Variants in POGLUT3 observed in about 807,000 individuals in gnomAD.
POGLUT3 encodes the protein protein O-glucosyltransferase 3.
A neutral mutation model predicts 54.3 loss-of-function variants in POGLUT3; 48 were observed. The ratio of observed to expected loss-of-function variants is 0.88; its 90% CI spans 0.70 to 1.12. The LOEUF is 1.12. Among genes scored for constraint, POGLUT3 ranks in the 50% most tolerant of loss-of-function variants. POGLUT3 has a pLI of 0.00. For synonymous variants in POGLUT3, 218 were observed against 237.4 expected, an observed-to-expected ratio of 0.92 and a Z score of 0.75; for missense variants, 629 against 618.7, an observed-to-expected ratio of 1.02 and a Z score of -0.18.
At chr11:108,476,621 A>C (rs2093582322) in intron 7 of POGLUT3, among the ~76,000 whole-genome samples, 1 of 152,232 alleles carries the variant, frequency 6.6e-6, no homozygotes, top group Admixed American at 6.5e-5. Context: ...CTATGCCTAC[A>C]GAAAAATAAA....
chr11:108,488,462 G>A (rs575514355), intron 2 of POGLUT3, among the ~76,000 whole-genome samples: 1 of 152,288 alleles, frequency 6.6e-6, no homozygotes, highest in Admixed American at 6.5e-5. Flanking sequence ...GTACAGGGAG[G>A]GGGACTGTAG....
Position 108,474,805 on chromosome 11 carries a change from A to G in POGLUT3, c.*22T>C. 6.2e-7 allele frequency: 1 copy of G among 1,613,570 alleles called. No individual in the cohort carries two copies. On this transcript the variant is annotated 3_prime_UTR_variant, in exon 8 of 8. Transcript: ENST00000323468. ...TCCTTAAAGTGTAGCCGGGATACAC[A>G]GGAGTGTGATTCTGGGCTGACTCAA... is the stretch of plus-strand genomic sequence containing the variant.
intron 1 of POGLUT3, among the ~76,000 whole-genome samples, chr11:108,495,346 A>AT (rs1378152088): frequency 6.6e-6 from 1 of 152,006 alleles, no homozygotes; most frequent in Non-Finnish European, 1.5e-5. Context: ...GATATTTTGG[A>AT]TTTTTTTGGT....
Position 108,474,934 on chromosome 11 carries a change from A to G in POGLUT3, c.1417T>C (p.Ser473Pro), listed in dbSNP as rs1361971157. ...CCATCACGTACTTCGGGTTTGCTGG[A>G]CTGGCGCTCGGCATATTTCTGAAAC... is the stretch of plus-strand genomic sequence containing the variant. ...QVLQKYAERQSSKPEVRDGME... is the reference protein window; with the variant it reads ...QVLQKYAERQPSKPEVRDGME... Residue 473 changes from serine (S) to proline (P), a missense_variant, in exon 8 of 8, where the codon TCC becomes CCC. Physicochemically the swap from Ser to Pro is moderately conservative, Grantham distance 74 (BLOSUM62 -1). Transcript: ENST00000323468. The G allele has an allele frequency of 6.2e-7, 1 of 1,613,928 alleles. No homozygotes were observed. The highest frequency in any genetic ancestry group is 8.5e-7 in the Non-Finnish European group (1 of 1,179,996).
At chr11:108,486,128 C>A in intron 3 of POGLUT3, 29 bp downstream of exon 3, 1 of 1,485,368 alleles carries the variant, frequency 6.7e-7, no homozygotes, top group South Asian at 1.2e-5. Context: ...AATAATTAAA[C>A]TGTATTATCA....
chr11:108,473,883 T>G lies in POGLUT3; in HGVS notation c.*944A>C, dbSNP rs1391386141. 3 of 152,186 alleles carry G rather than the reference T, an allele frequency of 2.0e-5. No homozygotes were observed. Among genetic ancestry groups the G allele is most frequent in the African/African-American group, 4.8e-5 (2 of 41,432 alleles). 9.4% of individuals were successfully genotyped at this position (152,186 alleles called of 1,614,324 possible). A position where few individuals can be genotyped will look rare whatever the true frequency, so the allele number is the denominator to read the frequency against. ...ATGTTGTCTCGGGCTTTGGCAAAAT[T>G]TAGTTTAAAGGATATGAGTAGTGCT... On this transcript the variant is annotated 3_prime_UTR_variant, in exon 8 of 8. Transcript: ENST00000323468.
chr11:108,477,134 G>C (rs2093583395), intron 7 of POGLUT3, among the ~76,000 whole-genome samples: 1 of 152,144 alleles, frequency 6.6e-6, no homozygotes, highest in Non-Finnish European at 1.5e-5. Context: ...GGGCGTGGTG[G>C]CTCACACCTG....
intron 4 of POGLUT3, 130 bp from the exon 5 acceptor site, chr11:108,481,506 T>A (rs1388878573): frequency 2.9e-6 from 2 of 686,360 alleles, no homozygotes; most frequent in Non-Finnish European, 4.4e-6. Flanking sequence ...TCTTCTAAAG[T>A]AGATGTTATT....
intron 3 of POGLUT3, among the ~76,000 whole-genome samples, chr11:108,484,428 T>TG (rs2135854227): frequency 6.6e-6 from 1 of 152,216 alleles, no homozygotes; most frequent in Non-Finnish European, 1.5e-5. Flanking sequence ...TCAGCATACT[T>TG]GGGGAATTGT....
At chr11:108,488,511 C>T (rs1001385391) in intron 2 of POGLUT3, among the ~76,000 whole-genome samples, 1 of 152,128 alleles carries the variant, frequency 6.6e-6, no homozygotes, top group African/African-American at 2.4e-5. Flanking sequence ...GGAGACAGAG[C>T]TGGCAGTCCA....
chr11:108,477,975 C>T, intron 6 of POGLUT3: 1 of 383,184 alleles, frequency 2.6e-6, no homozygotes, highest in Non-Finnish European at 4.7e-6. Flanking sequence ...ATGGTGAAAC[C>T]CCATCTCTAC....
In POGLUT3 at chr11:108,488,330, CA is replaced by C. The variant is rs1250739871; in HGVS notation, c.401-1891del. On this transcript the variant is annotated intron_variant, in intron 2 of 7. Transcript: ENST00000323468. ...GTGAGTCACCGCACCTGGCCTTAAACAATAGTTTTTAAGGCACTAGGTATTA... is the reference window on the plus strand; with the variant it reads ...GTGAGTCACCGCACCTGGCCTTAAACATAGTTTTTAAGGCACTAGGTATTA... 4.6e-5 allele frequency among the ~76,000 whole-genome samples: 7 copies of C among 152,294 alleles called. No individual in the cohort carries two copies. In the East Asian group the frequency reaches 1.4e-3, roughly 29 times the overall value.
At chr11:108,487,808 C>G (rs1161457140) in intron 2 of POGLUT3, among the ~76,000 whole-genome samples, 3 of 151,890 alleles carry the variant, frequency 2.0e-5, no homozygotes, top group African/African-American at 7.3e-5. Flanking sequence ...GACGGGGTTT[C>G]ACCATGTTGG....
At chr11:108,484,501 G>T (rs540576444) in intron 3 of POGLUT3, among the ~76,000 whole-genome samples, 315 of 152,232 alleles carry the variant, frequency 2.1e-3, no homozygotes, top group African/African-American at 7.3e-3. Flanking sequence ...AGGCGCAGTG[G>T]CTCATGCTGA....
In POGLUT3 at chr11:108,481,185, A is replaced by G. The variant is rs1161476033; in HGVS notation, c.1093T>C (p.Phe365Leu). Reference sequence around the variant, plus strand: ...AAGAAGACTCAAATGCATACCTTAAAGAAATCAAAGAAACCCATCAACTTG... The same window carrying G: ...AAGAAGACTCAAATGCATACCTTAAGGAAATCAAAGAAACCCATCAACTTG... The part of the protein sequence containing the change: ...KAKLMGFFDF[F>L]KYKYQVNVDG... Residue 365 changes from phenylalanine to leucine, a missense_variant, in exon 5 of 8, where the codon TTT (phenylalanine) becomes CTT (leucine). Phe to Leu is a conservative substitution (Grantham distance 22, BLOSUM62 0). Transcript: ENST00000323468. The G allele has an allele frequency of 1.2e-6, 2 of 1,606,948 alleles. No individual in the cohort carries two copies. The highest frequency in any genetic ancestry group is 8.5e-7 in the Non-Finnish European group (1 of 1,177,818).
intron 7 of POGLUT3, among the ~76,000 whole-genome samples, chr11:108,475,471 T>TG (rs1555182489): frequency 1.4e-5 from 2 of 142,292 alleles, no homozygotes; most frequent in African/African-American, 5.2e-5. Context: ...TTGTTTTTGT[T>TG]TTTTTTTTTT....
Position 108,474,829 on chromosome 11 carries a change from A to G in POGLUT3, c.1522T>C (p.Ter508ArgextTer34). The G allele has an allele frequency of 6.2e-7, 1 of 1,614,046 alleles. No individual in the cohort carries two copies. The highest frequency in any genetic ancestry group is 1.1e-5 in the South Asian group (1 of 91,076). ...HRKKPSREEL[*>R] Reference sequence around the variant, plus strand: ...CAGGAGTGTGATTCTGGGCTGACTCAAAGTTCTTCTCTTGAAGGCTTTTTC... The same window carrying G: ...CAGGAGTGTGATTCTGGGCTGACTCGAAGTTCTTCTCTTGAAGGCTTTTTC... Residue 508 changes from the stop codon to arginine (R), a stop_lost, in exon 8 of 8, where the codon TGA becomes CGA. Transcript: ENST00000323468.
chr11:108,483,119 A>G (rs1208860526), intron 3 of POGLUT3, among the ~76,000 whole-genome samples: 2 of 152,198 alleles, frequency 1.3e-5, no homozygotes, highest in Non-Finnish European at 2.9e-5. Flanking sequence ...CTAAAACTAA[A>G]ATTTCTAAAA....
intron 1 of POGLUT3, among the ~76,000 whole-genome samples, chr11:108,492,441 A>C (rs7928684): frequency 0.088 from 13,408 of 152,268 alleles, 1,868 homozygotes; most frequent in African/African-American, 0.29. Context: ...TCCTAGCAAA[A>C]GGAAAATTGT....
Sources: gnomAD v4.1 joint callset for allele counts (sites outside exome capture counted in the v4.1 genomes callset) on GRCh38, gnomAD v4.1.1 for gene constraint, MANE v1.5 for transcripts, NCBI Gene and HGNC (gene_info 2026-07-23, HGNC 2026-07-21) for gene names.